The following FHOD3 variants were observed in gnomAD, a reference collection of about 807,000 sequenced individuals.
FHOD3 encodes formin homology 2 domain containing 3.
In FHOD3, 90 loss-of-function variants were observed where a neutral mutation model predicts 173.0. The observed-to-expected ratio is 0.52, with a 90% CI of 0.44 to 0.62. The LOEUF is 0.62. Ranked by LOEUF, FHOD3 falls within the 20% of genes least tolerant of loss-of-function variation. The pLI, the probability that FHOD3 is intolerant of heterozygous loss-of-function variation, is 0.00. For synonymous variants in FHOD3, 828 were observed against 823.0 expected, an observed-to-expected ratio of 1.01 and a Z score of -0.10; for missense variants, 1,945 against 2,034.7, an observed-to-expected ratio of 0.96 and a Z score of 0.85.
chr18:36,402,147 G>T lies in FHOD3; in HGVS notation c.337+29403G>T, dbSNP rs79181754. On this transcript the variant is annotated intron_variant, in intron 3 of 28. Transcript: ENST00000590592. The stretch of plus-strand genomic sequence containing the variant: ...GTGGCCTTTGGGGCGGGCAAGGTGC[G>T]AGAGAAGTACTGAGTCGGCTGGGCG... Among the ~76,000 whole-genome samples the T allele has an allele frequency of 2.4e-3, 358 of 152,296 alleles. 1 individual carries two copies. Among genetic ancestry groups the T allele is most frequent in the African/African-American group, 8.1e-3 (337 of 41,564 alleles).
At chr18:36,579,240 G>C (rs555875629) in intron 6 of FHOD3, among the ~76,000 whole-genome samples, 11 of 152,304 alleles carry the variant, frequency 7.2e-5, no homozygotes, top group African/African-American at 2.6e-4. Flanking sequence ...GATTTTGCAA[G>C]AAAGATTGAC....
At chr18:36,526,727 GA>G (rs1313737015) in intron 5 of FHOD3, among the ~76,000 whole-genome samples, 3 of 152,156 alleles carry the variant, frequency 2.0e-5, no homozygotes, top group African/African-American at 7.2e-5. Context: ...CTAAAAAATA[GA>G]ATCAGCTTAA....
chr18:36,710,056 C>T (rs2040085910), intron 18 of FHOD3: 1 of 152,172 alleles, frequency 6.6e-6, no homozygotes, highest in South Asian at 2.1e-4. Context: ...ACTTAATACT[C>T]ATTCAGTTCT....
chr18:36,448,191 G>A (rs1384403129), intron 3 of FHOD3, among the ~76,000 whole-genome samples: 1 of 152,136 alleles, frequency 6.6e-6, no homozygotes, highest in East Asian at 1.9e-4. Flanking sequence ...AATTTAAAAG[G>A]CAAGTGTGAG....
intron 7 of FHOD3, among the ~76,000 whole-genome samples, chr18:36,598,993 G>C (rs1447349339): frequency 6.6e-6 from 1 of 152,208 alleles, no homozygotes; most frequent in Non-Finnish European, 1.5e-5. Flanking sequence ...CTCTTTGCTT[G>C]CACCTTGAAG....
intron 18 of FHOD3, among the ~76,000 whole-genome samples, chr18:36,715,066 T>C (rs562230977): frequency 9.2e-5 from 14 of 152,274 alleles, no homozygotes. Context: ...TAGGATCCAC[T>C]GAGGCCCTGG....
intron 14 of FHOD3, among the ~76,000 whole-genome samples, chr18:36,668,398 G>GTCTTCTCTCTCTTCTTTCCAA (rs1361604017): frequency 6.6e-6 from 1 of 151,752 alleles, no homozygotes; most frequent in Non-Finnish European, 1.5e-5. Flanking sequence ...GGTAATTTGT[G>GTCTTCTCTCTCTTCTTTCCAA]TCTTCTCTCT....
chr18:36,458,470 GGTT>G (rs923076699), intron 3 of FHOD3, among the ~76,000 whole-genome samples: 6 of 152,016 alleles, frequency 3.9e-5, no homozygotes, highest in African/African-American at 1.4e-4. Context: ...GCATATCATG[GGTT>G]GCCACAGAGA....
chr18:36,323,938 G>A (rs1374937293), intron 1 of FHOD3, among the ~76,000 whole-genome samples: 1 of 152,236 alleles, frequency 6.6e-6, no homozygotes, highest in Non-Finnish European at 1.5e-5. Flanking sequence ...AACTTGTAGG[G>A]TCAAGACCCT....
intron 5 of FHOD3, among the ~76,000 whole-genome samples, chr18:36,531,661 G>A (rs2146871660): frequency 6.6e-6 from 1 of 152,336 alleles, no homozygotes; most frequent in South Asian, 2.1e-4. Flanking sequence ...TTGCTTTAAT[G>A]CCATATGGAT....
At chr18:36,402,935 G>A (rs2048893345) in intron 3 of FHOD3, among the ~76,000 whole-genome samples, 2 of 152,208 alleles carry the variant, frequency 1.3e-5, no homozygotes, top group Admixed American at 6.5e-5. Flanking sequence ...TGTGGCCAAC[G>A]GTGACGCAAG....
intron 26 of FHOD3, 140 bp downstream of exon 26, chr18:36,759,281 C>T (rs894721516): frequency 2.1e-5 from 19 of 924,636 alleles, no homozygotes; most frequent in Admixed American, 6.1e-5. Context: ...GGTTGGTTTT[C>T]GTGTGATCAC....
At chr18:36,646,718 AAGTT>A (rs1227814011) in intron 10 of FHOD3, among the ~76,000 whole-genome samples, 2 of 152,200 alleles carry the variant, frequency 1.3e-5, no homozygotes, top group Non-Finnish European at 2.9e-5. Flanking sequence ...GTAAATCTGA[AAGTT>A]AGTGAAATGA....
At chr18:36,309,449 G>A (rs376926808) in intron 1 of FHOD3, among the ~76,000 whole-genome samples, 1 of 152,220 alleles carries the variant, frequency 6.6e-6, no homozygotes, top group Non-Finnish European at 1.5e-5. Context: ...TTTGCCAACC[G>A]TGGAGGCTCT....
intron 24 of FHOD3, among the ~76,000 whole-genome samples, chr18:36,749,370 T>C (rs1328594873): frequency 1.3e-5 from 2 of 152,168 alleles, no homozygotes; most frequent in Non-Finnish European, 2.9e-5. Flanking sequence ...TGTTGTTTCC[T>C]TCTTTGTGTT....
At chr18:36,372,766 G>C (rs771703209) in intron 3 of FHOD3, 22 bp downstream of exon 3, 7 of 1,607,628 alleles carry the variant, frequency 4.4e-6, no homozygotes, top group Non-Finnish European at 6.0e-6. Context: ...CTGCCCTCAG[G>C]AACTAAACAT....
At chr18:36,673,897 T>G (rs1396498503) in intron 14 of FHOD3, among the ~76,000 whole-genome samples, 1 of 152,208 alleles carries the variant, frequency 6.6e-6, no homozygotes, top group African/African-American at 2.4e-5. Flanking sequence ...ATCCCTCTGA[T>G]ATATATATTT....
intron 14 of FHOD3, among the ~76,000 whole-genome samples, chr18:36,679,892 TAAA>T: frequency 6.6e-6 from 1 of 152,170 alleles, no homozygotes; most frequent in Non-Finnish European, 1.5e-5. Context: ...ATCTATTAGA[TAAA>T]ACTTATTAAT....
chr18:36,739,195 C>T (rs555213706), intron 20 of FHOD3, among the ~76,000 whole-genome samples: 2 of 152,338 alleles, frequency 1.3e-5, no homozygotes, highest in South Asian at 4.1e-4. Context: ...AACTTACTGC[C>T]CCTTTCCTAG....
Sources: gnomAD v4.1 joint callset for allele counts (sites outside exome capture counted in the v4.1 genomes callset) on GRCh38, gnomAD v4.1.1 for gene constraint, MANE v1.5 for transcripts, NCBI Gene and HGNC (gene_info 2026-07-23, HGNC 2026-07-21) for gene names.